Variants in VWA8 observed in about 807,000 individuals in gnomAD.
VWA8 encodes von Willebrand factor A domain-containing protein 8.
In VWA8, 221 loss-of-function variants were observed where a neutral mutation model predicts 241.5. The observed-to-expected ratio is 0.91, with a 90% CI of 0.82 to 1.02. VWA8 has a LOEUF of 1.02. Ranked by LOEUF, VWA8 falls within the 50% of genes least tolerant of loss-of-function variation. VWA8 has a pLI of 0.00. For missense variants in VWA8, 2,322 were observed against 2,328.7 expected (o/e 1.00, Z 0.06); for synonymous variants, 852 against 827.1 (o/e 1.03, Z -0.52).
chr13:41,811,556 T>C (rs1289329225), intron 16 of VWA8, among the ~76,000 whole-genome samples: 1 of 152,140 alleles, frequency 6.6e-6, no homozygotes, highest in Non-Finnish European at 1.5e-5. Context: ...TATTTATCAA[T>C]TAAATTTAAT....
intron 41 of VWA8, among the ~76,000 whole-genome samples, chr13:41,588,169 A>G (rs1164367726): frequency 6.6e-6 from 1 of 152,184 alleles, no homozygotes; most frequent in Non-Finnish European, 1.5e-5. Context: ...AAACAAAGTT[A>G]TGTGATGGGG....
rs2044565303 is a variant in VWA8 at position 41,608,245 on chromosome 13, A to G, written c.4878-2969T>C. On this transcript the variant is annotated intron_variant, in intron 39 of 44. Transcript: ENST00000379310. ...AAGAAATCTGGAAACCATATTCCAG[A>G]TTGTGTCGGTTTTCAGAAAGATCAC... 2.0e-5 allele frequency among the ~76,000 whole-genome samples: 3 copies of G among 152,140 alleles called. No individual in the cohort carries two copies. The South Asian group carries it at 6.2e-4, about 31-fold the overall frequency.
At chr13:41,945,923 A>T (rs1436012663) in intron 2 of VWA8, among the ~76,000 whole-genome samples, 5 of 152,156 alleles carry the variant, frequency 3.3e-5, no homozygotes, top group African/African-American at 9.7e-5. Context: ...AAGAAGCTCA[A>T]CAAACTCAAA....
intron 37 of VWA8, among the ~76,000 whole-genome samples, chr13:41,644,929 C>T (rs2044821198): frequency 6.6e-6 from 1 of 152,062 alleles, no homozygotes; most frequent in South Asian, 2.1e-4. Context: ...TTAAAGTTTC[C>T]AAGAATAGTA....
At chr13:41,657,779 G>T (rs372954265) in intron 37 of VWA8, among the ~76,000 whole-genome samples, 14 of 152,198 alleles carry the variant, frequency 9.2e-5, no homozygotes, top group East Asian at 3.9e-4. Flanking sequence ...GTGAGCCACC[G>T]CGCCCGGCCA....
At chr13:41,717,768 T>C (rs1416384061) in intron 26 of VWA8, among the ~76,000 whole-genome samples, 2 of 152,106 alleles carry the variant, frequency 1.3e-5, no homozygotes, top group East Asian at 3.8e-4. Context: ...GTGGAAATTA[T>C]AGCCTACTCT....
rs186057454 is a variant in VWA8 at position 41,792,481 on chromosome 13, T to C, written c.2064-4938A>G. 2.3e-3 allele frequency among the ~76,000 whole-genome samples: 351 copies of C among 152,100 alleles called. 1 individual carries two copies. The highest frequency in any genetic ancestry group is 7.7e-3 in the African/African-American group (321 of 41,572). ...TCTATTCTAATAGTCTATTTGTTTT[T>C]CCCTGTACCAACACATACTATTATA... On this transcript the variant is annotated intron_variant, in intron 17 of 44. Transcript: ENST00000379310.
At chr13:41,744,165 A>T (rs1444628193) in intron 21 of VWA8, among the ~76,000 whole-genome samples, 2 of 152,214 alleles carry the variant, frequency 1.3e-5, no homozygotes, top group African/African-American at 4.8e-5. Context: ...GAAGAGGCTG[A>T]GGCCAGCCTT....
At chr13:41,811,404 G>T in intron 16 of VWA8, 64 bp from the exon 17 acceptor site, 1 of 1,295,612 alleles carries the variant, frequency 7.7e-7, no homozygotes, top group Non-Finnish European at 1.1e-6. Flanking sequence ...CCCTTTAGAT[G>T]GATATCACAG....
chr13:41,636,620 TACCTATAGGCA>T (rs2044758434), intron 37 of VWA8, among the ~76,000 whole-genome samples: 1 of 151,808 alleles, frequency 6.6e-6, no homozygotes. Context: ...CAAAAGAAAC[TACCTATAGGCA>T]ACCTATAGAA....
At chr13:41,917,935 T>C (rs530608690) in intron 2 of VWA8, among the ~76,000 whole-genome samples, 1 of 152,228 alleles carries the variant, frequency 6.6e-6, no homozygotes, top group African/African-American at 2.4e-5. Flanking sequence ...AAAGGAAGCA[T>C]GACTAACCTC....
intron 26 of VWA8, among the ~76,000 whole-genome samples, chr13:41,714,219 A>G (rs1168875570): frequency 6.6e-6 from 1 of 151,792 alleles, no homozygotes; most frequent in East Asian, 1.9e-4. Context: ...TTTTTTTTCT[A>G]TTTGACTGAT....
At chr13:41,898,985 AGG>A (rs1324076416) in intron 4 of VWA8, among the ~76,000 whole-genome samples, 1 of 152,164 alleles carries the variant, frequency 6.6e-6, no homozygotes, top group Non-Finnish European at 1.5e-5. Flanking sequence ...CTGCAAGCTG[AGG>A]GAGCCGGCTC....
chr13:41,812,641 T>A (rs966290517), intron 16 of VWA8, among the ~76,000 whole-genome samples: 1 of 152,218 alleles, frequency 6.6e-6, no homozygotes, highest in African/African-American at 2.4e-5. Flanking sequence ...TTATCCTTCC[T>A]TGTGTATTTC....
intron 14 of VWA8, 42 bp downstream of exon 14, chr13:41,830,487 T>A (rs778677949): frequency 6.8e-7 from 1 of 1,471,836 alleles, no homozygotes. Flanking sequence ...TATTTTTAAC[T>A]TAACAATAAA....
At chr13:41,879,678 A>T (rs2138068829) in intron 9 of VWA8, among the ~76,000 whole-genome samples, 1 of 152,162 alleles carries the variant, frequency 6.6e-6, no homozygotes, top group Middle Eastern at 3.4e-3. Flanking sequence ...AAAAAAAAAA[A>T]ATACCACTTA....
chr13:41,761,605 A>AT (rs1752402569), intron 20 of VWA8, among the ~76,000 whole-genome samples: 1 of 152,116 alleles, frequency 6.6e-6, no homozygotes, highest in South Asian at 2.1e-4. Flanking sequence ...GTTCTTCAGA[A>AT]TTATGATTTT....
At chr13:41,873,466 A>T (rs1873740588) in intron 9 of VWA8, among the ~76,000 whole-genome samples, 1 of 152,216 alleles carries the variant, frequency 6.6e-6, no homozygotes, top group Non-Finnish European at 1.5e-5. Flanking sequence ...AAGAGAGAAG[A>T]ATCAAATAGA....
At chr13:41,743,123 C>T (rs146933372) in intron 21 of VWA8, among the ~76,000 whole-genome samples, 6 of 152,162 alleles carry the variant, frequency 3.9e-5, no homozygotes, top group Admixed American at 2.0e-4. Context: ...CTTAAGCATA[C>T]GTGGGAGAGA....
Sources: gnomAD v4.1 joint callset for allele counts (sites outside exome capture counted in the v4.1 genomes callset) on GRCh38, gnomAD v4.1.1 for gene constraint, MANE v1.5 for transcripts, NCBI Gene and HGNC (gene_info 2026-07-23, HGNC 2026-07-21) for gene names.